Variants in DOCK5 observed in about 807,000 individuals in gnomAD.
The protein encoded by DOCK5 is dedicator of cytokinesis protein 5.
A neutral mutation model predicts 251.8 loss-of-function variants in DOCK5; 142 were observed. The ratio of observed to expected loss-of-function variants is 0.56; its 90% CI spans 0.49 to 0.65. DOCK5 has a LOEUF of 0.65. Among genes scored for constraint, DOCK5 ranks in the 30% least tolerant of loss-of-function variants. DOCK5 has a pLI of 0.00. For missense variants in DOCK5, 2,111 were observed against 2,312.3 expected (o/e 0.91, Z 1.79); for synonymous variants, 842 against 835.5 (o/e 1.01, Z -0.13).
At chr8:25,394,950 G>A (rs1801321605) in intron 44 of DOCK5, among the ~76,000 whole-genome samples, 1 of 150,016 alleles carries the variant, frequency 6.7e-6, no homozygotes, top group East Asian at 2.0e-4. Context: ...GGTGGGGGGT[G>A]TTGGGGGATA....
chr8:25,251,297 G>C (rs1201476298), intron 2 of DOCK5, among the ~76,000 whole-genome samples: 2 of 144,426 alleles, frequency 1.4e-5, no homozygotes, highest in African/African-American at 2.4e-5. Flanking sequence ...ACTGTACAGA[G>C]GCAGGCACAG....
At chr8:25,263,976 T>A (rs1043555368) in intron 2 of DOCK5, among the ~76,000 whole-genome samples, 1 of 151,868 alleles carries the variant, frequency 6.6e-6, no homozygotes, top group African/African-American at 2.4e-5. Flanking sequence ...CCTATTTGCT[T>A]AAGCCCAAAA....
Position 25,215,086 on chromosome 8 carries a change from TG to T in DOCK5, c.44-28583del, listed in dbSNP as rs533128045. 1.1e-4 allele frequency among the ~76,000 whole-genome samples: 16 copies of T among 152,278 alleles called. 1 individual carries two copies. In the South Asian group the frequency reaches 2.9e-3, roughly 28 times the overall value. ...TGGGAAAACATGCCTGTCCTGGAGC[TG>T]GGGGAATCCTGGACTCCATTTTGGA... On this transcript the variant is annotated intron_variant, in intron 1 of 51. Transcript: ENST00000276440.
At chr8:25,381,979 A>G (rs1037285246) in intron 39 of DOCK5, among the ~76,000 whole-genome samples, 3 of 152,174 alleles carry the variant, frequency 2.0e-5, no homozygotes, top group African/African-American at 4.8e-5. Flanking sequence ...CACCTGCATG[A>G]ACTACACAGT....
chr8:25,286,675 G>A (rs1467253661), intron 5 of DOCK5, among the ~76,000 whole-genome samples: 1 of 149,132 alleles, frequency 6.7e-6, no homozygotes, highest in Admixed American at 6.7e-5. Context: ...TTTTTTTTTT[G>A]TTTTCAGAGA....
intron 44 of DOCK5, 89 bp from the exon 45 acceptor site, chr8:25,395,454 A>T: frequency 1.4e-6 from 2 of 1,386,138 alleles, no homozygotes; most frequent in Non-Finnish European, 2.0e-6. Flanking sequence ...TGGGCATTTT[A>T]TACCTCTTCA....
intron 2 of DOCK5, among the ~76,000 whole-genome samples, chr8:25,259,490 C>T (rs991800743): frequency 6.6e-6 from 1 of 152,136 alleles, no homozygotes; most frequent in African/African-American, 2.4e-5. Flanking sequence ...CAGTCTTGCT[C>T]TATCACCTAG....
chr8:25,368,084 T>C (rs1290395043), intron 31 of DOCK5, 108 bp from the exon 32 acceptor site: 14 of 892,728 alleles, frequency 1.6e-5, no homozygotes, highest in Non-Finnish European at 2.5e-5. Flanking sequence ...GGTTGGGCCT[T>C]AAGAGTGACC....
At chr8:25,353,367 A>T (rs1436886173) in intron 27 of DOCK5, among the ~76,000 whole-genome samples, 2 of 151,968 alleles carry the variant, frequency 1.3e-5, no homozygotes, top group African/African-American at 4.8e-5. Flanking sequence ...AAAATAAAAT[A>T]AAAATCCAAG....
intron 10 of DOCK5, 82 bp downstream of exon 10, chr8:25,302,536 T>C: frequency 7.1e-7 from 1 of 1,415,910 alleles, no homozygotes; most frequent in Non-Finnish European, 9.3e-7. Flanking sequence ...AAATTAAACA[T>C]GGAACTAGCA....
chr8:25,275,177 C>G (rs1305685659), intron 3 of DOCK5, among the ~76,000 whole-genome samples: 1 of 152,130 alleles, frequency 6.6e-6, no homozygotes, highest in Admixed American at 6.5e-5. Flanking sequence ...CTCTCTGAAC[C>G]CAAATTTTAA....
rs1264960626 is a variant in DOCK5, at chr8:25,400,979, G to A, written c.4839G>A (p.Glu1613=). The change falls in exon 47 of 52, where the codon GAG becomes GAA. Residue 1613 remains glutamate (E), a synonymous_variant. Coordinates refer to ENST00000276440, the MANE Select transcript of DOCK5 (RefSeq NM_024940.8). ...GCATCCATGGGGAGAAACTCACAGA[G>A]CAGCTGAAGCCGCTGCATGAGCGGT... ...GIRIHGEKLT[E]QLKPLHERLS... is the part of the protein sequence containing the mutation. 1 of 1,613,924 alleles carries A rather than the reference G, an allele frequency of 6.2e-7. No homozygotes were observed. The highest frequency in any genetic ancestry group is 1.3e-5 in the African/African-American group (1 of 74,936).
intron 13 of DOCK5, among the ~76,000 whole-genome samples, chr8:25,313,103 T>C (rs1009799568): frequency 6.6e-6 from 1 of 152,178 alleles, no homozygotes; most frequent in African/African-American, 2.4e-5. Flanking sequence ...AATTCAGGTC[T>C]AGACCCAACT....
At chr8:25,264,105 A>G (rs983633541) in intron 2 of DOCK5, among the ~76,000 whole-genome samples, 9 of 151,928 alleles carry the variant, frequency 5.9e-5, no homozygotes, top group Admixed American at 2.6e-4. Context: ...GCTCATGCCT[A>G]TAATCCTAGC....
chr8:25,341,864 CTT>C, intron 24 of DOCK5, 55 bp downstream of exon 24: 1 of 1,424,402 alleles, frequency 7.0e-7, no homozygotes, highest in Non-Finnish European at 9.6e-7. Context: ...AGCTCCCCTG[CTT>C]GGCTGGAGCC....
intron 5 of DOCK5, among the ~76,000 whole-genome samples, chr8:25,289,990 C>A (rs774155912): frequency 6.6e-6 from 1 of 152,106 alleles, no homozygotes; most frequent in Non-Finnish European, 1.5e-5. Context: ...CCCCTATATA[C>A]GCAAGATCAT....
chr8:25,321,030 C>A lies in DOCK5; in HGVS notation c.1593C>A (p.Phe531Leu). The A allele has an allele frequency of 1.9e-6, 3 of 1,613,522 alleles. No individual in the cohort carries two copies. The highest frequency in any genetic ancestry group is 2.5e-6 in the Non-Finnish European group (3 of 1,179,738). ...CACGCTGTCATATAAGATTTACCTT[C>A]CGACACAGGTCATCTCAGGAAAGTA... ...EVTRCHIRFT[F>L]RHRSSQETRD... The change falls in exon 16 of 52, where the codon TTC becomes TTA. Residue 531 changes from phenylalanine to leucine, a missense_variant. Phe to Leu is a conservative substitution (Grantham distance 22). Coordinates refer to ENST00000276440, the MANE Select transcript of DOCK5 (RefSeq NM_024940.8).
In DOCK5 at chr8:25,413,102, T is replaced by G. The variant is rs1361328470; in HGVS notation, c.*1804T>G. 4 of 152,208 alleles carry G rather than the reference T, an allele frequency of 2.6e-5. No individual in the cohort carries two copies. Among genetic ancestry groups the G allele is most frequent in the Non-Finnish European group, 5.9e-5 (4 of 68,040 alleles). The allele number at this position is 152,208 out of a possible 1,614,324, so 9.4% of individuals were successfully genotyped here. ...CAAACTCACAAAAATTATTTGAAAT[T>G]ATCTGAGTTTTCATTTTCTCACCTT... On this transcript the variant is annotated 3_prime_UTR_variant, in exon 52 of 52. Coordinates refer to ENST00000276440, the MANE Select transcript of DOCK5 (RefSeq NM_024940.8).
At chr8:25,406,523 T>C (rs1367625050) in intron 48 of DOCK5, among the ~76,000 whole-genome samples, 2 of 152,252 alleles carry the variant, frequency 1.3e-5, no homozygotes, top group African/African-American at 4.8e-5. Context: ...TTTCCGTTGA[T>C]ATAGGTATAT....
Sources: allele counts gnomAD v4.1 joint callset (sites outside exome capture counted in the v4.1 genomes callset), GRCh38; gene constraint gnomAD v4.1.1; transcripts MANE v1.5; gene names NCBI Gene and HGNC (gene_info 2026-07-23, HGNC 2026-07-21).